The following SUPT3H variants were observed in gnomAD, a reference collection of about 807,000 sequenced individuals.
The protein encoded by SUPT3H is transcription initiation protein SPT3 homolog.
A neutral mutation model predicts 44.3 loss-of-function variants in SUPT3H; 44 were observed. That is an observed-to-expected ratio of 0.99 (90% CI 0.78 to 1.28). The LOEUF (loss-of-function observed/expected upper bound fraction) is 1.28, where lower values mean the gene tolerates loss of function less well. Ranked by LOEUF, SUPT3H falls within the 50% of genes most tolerant of loss-of-function variation. The pLI, the probability that SUPT3H is intolerant of heterozygous loss-of-function variation, is 0.00. For missense variants in SUPT3H, 380 were observed against 387.1 expected (o/e 0.98, Z 0.15); for synonymous variants, 124 against 125.6 (o/e 0.99, Z 0.09).
intron 2 of SUPT3H, among the ~76,000 whole-genome samples, chr6:45,335,748 G>A (rs1484520159): frequency 6.6e-6 from 1 of 151,154 alleles, no homozygotes; most frequent in East Asian, 1.9e-4. Flanking sequence ...AGTAATCTAT[G>A]AGAAAACTCC....
In SUPT3H at chr6:45,249,904, C is replaced by T. The variant is rs534840200; in HGVS notation, c.101+115297G>A. On this transcript the variant is annotated intron_variant, in intron 2 of 10. Coordinates refer to ENST00000371459, the MANE Select transcript of SUPT3H (RefSeq NM_003599.4). ...TGAGAAAACACCCTCAAACCTTATA[C>T]CAGATCCCTTCTGCTCAGCTGCAAA... Among the ~76,000 whole-genome samples, 6 of 152,266 alleles carry T rather than the reference C, an allele frequency of 3.9e-5. No individual in the cohort carries two copies. In the South Asian group the frequency reaches 1.2e-3, roughly 32 times the overall value.
At chr6:44,818,676 T>C (rs1174201459) in intron 11 of SUPT3H, among the ~76,000 whole-genome samples, 2 of 152,126 alleles carry the variant, frequency 1.3e-5, no homozygotes, top group African/African-American at 2.4e-5. Flanking sequence ...AAAATACAGA[T>C]GGCAAATGAA....
intron 6 of SUPT3H, among the ~76,000 whole-genome samples, chr6:44,965,105 C>G (rs1776598507): frequency 6.6e-6 from 1 of 152,156 alleles, no homozygotes; most frequent in Admixed American, 6.5e-5. Context: ...TTAACATGCT[C>G]AAACTATTCT....
intron 2 of SUPT3H, among the ~76,000 whole-genome samples, chr6:45,325,088 A>G (rs1339398738): frequency 1.3e-5 from 2 of 151,838 alleles, no homozygotes; most frequent in African/African-American, 4.8e-5. Flanking sequence ...GTCACATACC[A>G]AGATGAAACA....
At position 45,149,357 on chromosome 6, in the gene SUPT3H, T is replaced by C. The variant is rs185255222; in HGVS notation, c.102-43351A>G. ...AATGACAGAATAAGGTTTAATAATT[T>C]AGGTTAAAAACTCTGCATAACACTT... On this transcript the variant is annotated intron_variant, in intron 2 of 10. Coordinates refer to ENST00000371459, the MANE Select transcript of SUPT3H (RefSeq NM_003599.4). Among the ~76,000 whole-genome samples the C allele has an allele frequency of 2.0e-5, 3 of 152,284 alleles. No individual in the cohort carries two copies. The East Asian group carries it at 5.8e-4, about 29-fold the overall frequency.
chr6:45,026,178 G>C (rs1583136645), intron 3 of SUPT3H, among the ~76,000 whole-genome samples: 1 of 152,054 alleles, frequency 6.6e-6, no homozygotes, highest in African/African-American at 2.4e-5. Context: ...TCTAGGTTAG[G>C]CTATGAATGG....
intron 2 of SUPT3H, among the ~76,000 whole-genome samples, chr6:45,236,044 T>C (rs1769043466): frequency 6.6e-6 from 1 of 152,206 alleles, no homozygotes; most frequent in Non-Finnish European, 1.5e-5. Context: ...TTAGTTAATC[T>C]GTAATCTATA....
At chr6:44,850,305 C>T (rs762990119) in intron 10 of SUPT3H, among the ~76,000 whole-genome samples, 10 of 152,170 alleles carry the variant, frequency 6.6e-5, no homozygotes, top group Non-Finnish European at 1.0e-4. Context: ...CCCTCCACTT[C>T]CCCCTAACCT....
At position 44,828,178 on chromosome 6, in the gene SUPT3H, G is replaced by A. The variant is rs556254978; in HGVS notation, c.*1638C>T. Among the ~76,000 whole-genome samples the A allele has an allele frequency of 2.1e-4, 26 of 126,186 alleles. No homozygotes were observed. The highest frequency in any genetic ancestry group is 4.0e-3 in the Middle Eastern group (1 of 248). 82.8% of individuals were successfully genotyped at this position (126,186 alleles called of 152,430 possible). On this transcript the variant is annotated 3_prime_UTR_variant, in exon 11 of 11. Transcript: ENST00000371459. ...AAAACCAAATACAATAAATGCTATCGTTTAAAAGTTAAGTTAAGTTAGGAT... is the reference window on the plus strand; with the variant it reads ...AAAACCAAATACAATAAATGCTATCATTTAAAAGTTAAGTTAAGTTAGGAT...
chr6:45,312,053 C>G (rs1471190319), intron 2 of SUPT3H, among the ~76,000 whole-genome samples: 1 of 152,096 alleles, frequency 6.6e-6, no homozygotes, highest in African/African-American at 2.4e-5. Flanking sequence ...TAAGAACTCA[C>G]CAACCAATTA....
intron 2 of SUPT3H, among the ~76,000 whole-genome samples, chr6:45,230,662 C>CTATATATATATATATATATATATATA (rs66480751): frequency 2.0e-4 from 14 of 68,726 alleles, no homozygotes; most frequent in African/African-American, 7.3e-4. Context: ...TTCATTCAGT[C>CTATATATATATATATATATATATATA]TATATATATA....
intron 2 of SUPT3H, among the ~76,000 whole-genome samples, chr6:45,298,073 C>T (rs1290993944): frequency 6.6e-6 from 1 of 152,148 alleles, no homozygotes; most frequent in African/African-American, 2.4e-5. Context: ...CAGCTTCATG[C>T]AGTTCTCACA....
At position 45,356,394 on chromosome 6, in the gene SUPT3H, A is replaced by G. The variant is rs536099820; in HGVS notation, c.101+8807T>C. On this transcript the variant is annotated intron_variant, in intron 2 of 10. Transcript: ENST00000371459. ...AACACATTGGAATATATCAATTCTC[A>G]TTTCTTTTTTTTTCTTTTTTTGAGA... Among the ~76,000 whole-genome samples the G allele has an allele frequency of 1.4e-4, 21 of 151,778 alleles. 1 individual carries two copies. In the South Asian group the frequency reaches 3.5e-3, roughly 26 times the overall value.
intron 6 of SUPT3H, among the ~76,000 whole-genome samples, chr6:44,970,490 G>C (rs867700570): frequency 2.6e-5 from 4 of 151,958 alleles, no homozygotes; most frequent in African/African-American, 9.7e-5. Context: ...AAAAAGCCAT[G>C]TGAGTTTCTG....
intron 6 of SUPT3H, among the ~76,000 whole-genome samples, chr6:44,991,603 T>C (rs1263491470): frequency 5.9e-5 from 9 of 152,140 alleles, no homozygotes; most frequent in African/African-American, 2.2e-4. Context: ...CACTGCAACC[T>C]CCGCCTTGTG....
At chr6:45,138,948 G>T (rs1299492457) in intron 2 of SUPT3H, among the ~76,000 whole-genome samples, 5 of 152,164 alleles carry the variant, frequency 3.3e-5, no homozygotes, top group Admixed American at 6.5e-5. Context: ...CAAGTCTAGT[G>T]TCAGAGAATA....
rs1329199441 is a variant in SUPT3H, at chr6:45,286,702, G to A, written c.101+78499C>T. 3.3e-5 allele frequency among the ~76,000 whole-genome samples: 5 copies of A among 152,214 alleles called. 1 individual carries two copies. In the East Asian group the frequency reaches 9.6e-4, roughly 29 times the overall value. On this transcript the variant is annotated intron_variant, in intron 2 of 10. Transcript: ENST00000371459. ...AGTGTGGCGATTCCTCAGGGATCTT[G>A]AACTGGAAATACCATTTGACCCAGC...
chr6:45,328,030 GC>G (rs1313530734), intron 2 of SUPT3H: 1 of 218,376 alleles, frequency 4.6e-6, no homozygotes, highest in East Asian at 9.5e-5. Flanking sequence ...CTCTACAAAT[GC>G]TTAACCTTAC....
chr6:44,918,574 A>G (rs918956453), intron 10 of SUPT3H, among the ~76,000 whole-genome samples: 1 of 152,222 alleles, frequency 6.6e-6, no homozygotes, highest in South Asian at 2.1e-4. Flanking sequence ...CCAAAAATAT[A>G]CCAACTCATC....
Sources: gnomAD v4.1 joint callset for allele counts (sites outside exome capture counted in the v4.1 genomes callset) on GRCh38, gnomAD v4.1.1 for gene constraint, MANE v1.5 for transcripts, NCBI Gene and HGNC (gene_info 2026-07-23, HGNC 2026-07-21) for gene names.